The following PDPR variants were observed in gnomAD, a reference collection of about 807,000 sequenced individuals.
PDPR encodes the protein pyruvate dehydrogenase phosphatase regulatory subunit, mitochondrial.
Under a neutral mutation model 102.2 loss-of-function variants are expected in PDPR, and 50 were observed. The observed-to-expected ratio is 0.49, with a 90% CI of 0.39 to 0.62. The LOEUF (loss-of-function observed/expected upper bound fraction) is 0.62, where lower values mean the gene tolerates loss of function less well. Among genes scored for constraint, PDPR ranks in the 20% least tolerant of loss-of-function variants. The pLI is 0.00. For synonymous variants in PDPR, 259 were observed against 406.0 expected, an observed-to-expected ratio of 0.64 and a Z score of 4.35; for missense variants, 625 against 1,098.2, an observed-to-expected ratio of 0.57 and a Z score of 6.09.
At chr16:70,145,552 A>G (rs1203911550) in intron 15 of PDPR, among the ~76,000 whole-genome samples, 2 of 152,254 alleles carry the variant, frequency 1.3e-5, no homozygotes, top group Non-Finnish European at 2.9e-5. Context: ...TGGCCCCACC[A>G]GCGTTTGCTC....
chr16:70,153,663 A>G lies in PDPR; in HGVS notation c.2235+90A>G, dbSNP rs548032192. ...GGAAGAAGAACTGATGTGACAGGAA[A>G]AGGGGGAAAAGATTGAGGCCTTGAT... On this transcript the variant is annotated intron_variant, in intron 18 of 18. Transcript: ENST00000288050. The G allele has an allele frequency of 2.1e-5, 28 of 1,352,546 alleles. No individual in the cohort carries two copies. In the South Asian group the frequency reaches 4.3e-4, roughly 21 times the overall value. The allele number at this position is 1,352,546 out of a possible 1,614,324, so 83.8% of individuals were successfully genotyped here.
chr16:70,145,550 C>T (rs1299948856), intron 15 of PDPR, among the ~76,000 whole-genome samples: 1 of 152,246 alleles, frequency 6.6e-6, no homozygotes, highest in Non-Finnish European at 1.5e-5. Context: ...CTTGGCCCCA[C>T]CAGCGTTTGC....
Position 70,157,175 on chromosome 16 carries a change from G to A in PDPR, c.*296G>A, listed in dbSNP as rs1196186344. 4 of 621,080 alleles carry A rather than the reference G, an allele frequency of 6.4e-6. No homozygotes were observed. Among genetic ancestry groups the A allele is most frequent in the Non-Finnish European group, 1.2e-5 (4 of 336,106 alleles). 38.5% of individuals were successfully genotyped at this position (621,080 alleles called of 1,614,324 possible). A position where few individuals can be genotyped will look rare whatever the true frequency, so the allele number is the denominator to read the frequency against. On this transcript the variant is annotated 3_prime_UTR_variant, in exon 19 of 19. Coordinates refer to ENST00000288050, the MANE Select transcript of PDPR (RefSeq NM_017990.5). ...TGACAGGACAGAAGCAAGCTCCACTGTGGACATGAGTGATGGTGACAGCTG... is the reference window on the plus strand; with the variant it reads ...TGACAGGACAGAAGCAAGCTCCACTATGGACATGAGTGATGGTGACAGCTG...
chr16:70,143,883 C>T (rs1965986060), intron 14 of PDPR, among the ~76,000 whole-genome samples: 1 of 152,098 alleles, frequency 6.6e-6, no homozygotes, highest in South Asian at 2.1e-4. Context: ...GAGAAGATGC[C>T]TTGTCTTTTT....
At chr16:70,144,752 C>T (rs560870249) in intron 15 of PDPR, among the ~76,000 whole-genome samples, 2 of 152,164 alleles carry the variant, frequency 1.3e-5, no homozygotes, top group Non-Finnish European at 2.9e-5. Flanking sequence ...GTCAGGAGTT[C>T]GAGACCAACC....
chr16:70,120,285 C>G, intron 2 of PDPR, 176 bp from the exon 3 acceptor site: 1 of 519,858 alleles, frequency 1.9e-6, no homozygotes, highest in Non-Finnish European at 3.5e-6. Flanking sequence ...CTCCTGACCT[C>G]GTGATCCGCC....
At chr16:70,155,631 C>T (rs1412031472) in intron 18 of PDPR, among the ~76,000 whole-genome samples, 1 of 152,154 alleles carries the variant, frequency 6.6e-6, no homozygotes, top group Non-Finnish European at 1.5e-5. Context: ...CTCAGGAGAT[C>T]CCCCCGCCTT....
chr16:70,142,345 A>G lies in PDPR; in HGVS notation c.1427A>G (p.Lys476Arg). The change falls in exon 12 of 19, where the codon AAA (lysine) becomes AGA (arginine). Residue 476 changes from lysine (K) to arginine (R), a missense_variant. Lys to Arg is a conservative substitution (Grantham distance 26, BLOSUM62 2). This residue lies in a region of PDPR where 34 missense variants were observed against 76.6 expected (regional missense o/e 0.44). Transcript: ENST00000288050. ...GCACAGGGAGCCAGGTGGATGGAGA[A>G]ACATGGATTTGAGAGGCCAAAGTAC... ...LDAQGARWME[K>R]HGFERPKYFV... is the part of the protein sequence containing the mutation. 1 of 1,614,048 alleles carries G rather than the reference A, an allele frequency of 6.2e-7. No homozygotes were observed. Among genetic ancestry groups the G allele is most frequent in the African/African-American group, 1.3e-5 (1 of 75,056 alleles).
Position 70,139,053 on chromosome 16 carries a change from A to G in PDPR, c.1315+30A>G, listed in dbSNP as rs1179303429. 4 of 1,567,788 alleles carry G rather than the reference A, an allele frequency of 2.6e-6. No individual in the cohort carries two copies. The South Asian group carries it at 4.6e-5, about 18-fold the overall frequency. On this transcript the variant is annotated intron_variant, in intron 11 of 18. Transcript: ENST00000288050. Reference sequence around the variant, plus strand: ...GTGAAGCTTTATCGCAGTTGCTCCTAGTTGCAGGTATCTTCTCGGTGGCCC... The same window carrying G: ...GTGAAGCTTTATCGCAGTTGCTCCTGGTTGCAGGTATCTTCTCGGTGGCCC...
At chr16:70,121,971 G>C (rs938101598) in intron 3 of PDPR, among the ~76,000 whole-genome samples, 2 of 152,114 alleles carry the variant, frequency 1.3e-5, no homozygotes, top group African/African-American at 4.8e-5. Flanking sequence ...TCCCTGTGTT[G>C]CCTAGGCTGT....
intron 10 of PDPR, among the ~76,000 whole-genome samples, chr16:70,137,639 C>A (rs562323343): frequency 7.6e-3 from 1,153 of 152,152 alleles, no homozygotes; most frequent in African/African-American, 0.027. Context: ...TGAATACTTA[C>A]AAATGGGTAA....
In PDPR at chr16:70,158,971, G is replaced by A. The variant is rs928360640; in HGVS notation, c.*2092G>A. 4 of 152,330 alleles carry A rather than the reference G, an allele frequency of 2.6e-5. No individual in the cohort carries two copies. The highest frequency in any genetic ancestry group is 6.5e-5 in the Admixed American group (1 of 15,290). The allele number at this position is 152,330 out of a possible 1,614,324, so 9.4% of individuals were successfully genotyped here. ...ACATAACTCTTCAACCTTAACTATG[G>A]CAATACATTTGTGCTTTAACTGTTA... On this transcript the variant is annotated 3_prime_UTR_variant, in exon 19 of 19. Transcript: ENST00000288050.
intron 17 of PDPR, among the ~76,000 whole-genome samples, chr16:70,149,159 T>C (rs1265854409): frequency 2.0e-5 from 3 of 152,026 alleles, no homozygotes; most frequent in Admixed American, 6.6e-5. Context: ...CCTCCCAAAG[T>C]GCTGGGATTA....
rs1967721074 is a variant in PDPR, at chr16:70,160,904, C to G, written c.*4025C>G. On this transcript the variant is annotated 3_prime_UTR_variant, in exon 19 of 19. Transcript: ENST00000288050. ...TCTCCTCTGGCATATGGACACATTT[C>G]CTGGCATTTGCCTGAGTCTACACCA... The G allele has an allele frequency of 6.6e-6, 1 of 152,262 alleles. No homozygotes were observed. The highest frequency in any genetic ancestry group is 1.5e-5 in the Non-Finnish European group (1 of 68,180). The allele number at this position is 152,262 out of a possible 1,614,324, so 9.4% of individuals were successfully genotyped here.
intron 18 of PDPR, among the ~76,000 whole-genome samples, chr16:70,155,127 G>C (rs1464119135): frequency 1.8e-4 from 27 of 152,206 alleles, no homozygotes; most frequent in African/African-American, 6.5e-4. Context: ...GGGAGGCAGA[G>C]GTTGCAGTGA....
Position 70,142,666 on chromosome 16 carries a change from T to C in PDPR, c.1585T>C (p.Phe529Leu), listed in dbSNP as rs1350686452. 1 of 1,614,094 alleles carries C rather than the reference T, an allele frequency of 6.2e-7. No individual in the cohort carries two copies. The highest frequency in any genetic ancestry group is 8.5e-7 in the Non-Finnish European group (1 of 1,179,912). The part of the protein sequence containing the change: ...EAVCVIDMSS[F>L]TKFEITSTGD... ...TGTGTGTGTCATTGACATGTCCTCT[T>C]TCACAAAGTTTGAGATAACAGTAAG... Residue 529 changes from phenylalanine (F) to leucine (L), a missense_variant, in exon 13 of 19, where the codon TTC (phenylalanine) becomes CTC (leucine). Around this residue, in one of 11 missense-constraint regions of PDPR, gnomAD observed 28 missense variants for 141.2 expected, o/e 0.20. Coordinates refer to ENST00000288050, the MANE Select transcript of PDPR (RefSeq NM_017990.5).
intron 10 of PDPR, among the ~76,000 whole-genome samples, chr16:70,137,946 G>T (rs1965318448): frequency 6.6e-6 from 1 of 152,174 alleles, no homozygotes; most frequent in Non-Finnish European, 1.5e-5. Flanking sequence ...ATAGCTCACT[G>T]CAGCCGCAAG....
chr16:70,126,198 A>G (rs2152071795), intron 3 of PDPR, among the ~76,000 whole-genome samples: 1 of 152,372 alleles, frequency 6.6e-6, no homozygotes, highest in African/African-American at 2.4e-5. Context: ...ATTCCATTGT[A>G]TAGATGAATT....
chr16:70,138,696 G>GT lies in PDPR; in HGVS notation c.1191-202dup, dbSNP rs1421536614. On this transcript the variant is annotated intron_variant, in intron 10 of 18. Coordinates refer to ENST00000288050, the MANE Select transcript of PDPR (RefSeq NM_017990.5). ...CTCCTAGGGAATCTTATCATCTGGGGTAAAATCCTCATAGTAGTCTTTTGA... is the reference window on the plus strand; with the variant it reads ...CTCCTAGGGAATCTTATCATCTGGGGTTAAAATCCTCATAGTAGTCTTTTGA... Among the ~76,000 whole-genome samples, 3 of 152,244 alleles carry GT rather than the reference G, an allele frequency of 2.0e-5. No individual in the cohort carries two copies. The East Asian group carries it at 5.8e-4, about 29-fold the overall frequency.
Sources: gnomAD v4.1 joint callset for allele counts (sites outside exome capture counted in the v4.1 genomes callset) on GRCh38, gnomAD v4.1.1 for gene constraint, gnomAD v4.1.1 regional missense constraint, MANE v1.5 for transcripts, NCBI Gene and HGNC (gene_info 2026-07-23, HGNC 2026-07-21) for gene names.